Variants in TGFBR2 observed in about 807,000 individuals in gnomAD.
TGFBR2 encodes transforming growth factor beta receptor 2.
In TGFBR2, 18 loss-of-function variants were observed where a neutral mutation model predicts 49.0. That is an observed-to-expected ratio of 0.37 (90% CI 0.25 to 0.54). The LOEUF (loss-of-function observed/expected upper bound fraction) is 0.54. Among genes scored for constraint, TGFBR2 ranks in the 20% least tolerant of loss-of-function variants. TGFBR2 has a pLI of 0.85. For synonymous variants in TGFBR2, 282 were observed against 275.9 expected (o/e 1.02, Z -0.22); for missense variants, 525 against 722.6 (o/e 0.73, Z 3.13).
chr3:30,673,094 A>T (rs11466515), intron 4 of TGFBR2, among the ~76,000 whole-genome samples: 7 of 152,066 alleles, frequency 4.6e-5, no homozygotes, highest in Admixed American at 6.6e-5. Context: ...CATGGAGAGC[A>T]GCACTGTCTT....
intron 1 of TGFBR2, among the ~76,000 whole-genome samples, chr3:30,630,132 A>G (rs1315505828): frequency 1.3e-5 from 2 of 152,222 alleles, no homozygotes; most frequent in Non-Finnish European, 2.9e-5. Context: ...AGATTATGCT[A>G]AGATGGATAA....
chr3:30,662,858 GAACTT>G (rs1237891204), intron 3 of TGFBR2, among the ~76,000 whole-genome samples: 1 of 152,154 alleles, frequency 6.6e-6, no homozygotes, highest in Non-Finnish European at 1.5e-5. Context: ...GAGTACCAAA[GAACTT>G]AACTTTATTT....
intron 1 of TGFBR2, among the ~76,000 whole-genome samples, chr3:30,628,528 G>GGTT (rs1698377360): frequency 2.5e-5 from 2 of 80,192 alleles, no homozygotes. Flanking sequence ...AAGCCTGTGG[G>GGTT]TTTTTTTTTT....
At chr3:30,638,995 T>C (rs1166995437) in intron 1 of TGFBR2, among the ~76,000 whole-genome samples, 1 of 151,962 alleles carries the variant, frequency 6.6e-6, no homozygotes, top group African/African-American at 2.4e-5. Context: ...TCTGGGCCCA[T>C]ATGGTGATCA....
intron 3 of TGFBR2, among the ~76,000 whole-genome samples, chr3:30,656,367 T>A (rs1415891861): frequency 6.6e-6 from 1 of 152,256 alleles, no homozygotes; most frequent in Non-Finnish European, 1.5e-5. Context: ...TGTTAGTTTA[T>A]TGTATTTGTA....
rs377499122 is a variant in TGFBR2 at position 30,691,413 on chromosome 3, G to A, written c.1525-7G>A. 714 of 1,613,728 alleles carry A rather than the reference G, an allele frequency of 4.4e-4. No homozygotes were observed. The highest frequency in any genetic ancestry group is 5.6e-4 in the Non-Finnish European group (655 of 1,179,860). ...ATGGTGCCCTTTGGATCTCTTTCCC[G>A]CTACAGGGCATCCAGATGGTGTGTG... On this transcript the variant is annotated splice_polypyrimidine_tract_variant and splice_region_variant and intron_variant, in intron 6 of 6. Coordinates refer to ENST00000295754, the MANE Select transcript of TGFBR2 (RefSeq NM_003242.6).
chr3:30,650,648 G>T (rs1698865793), intron 3 of TGFBR2, among the ~76,000 whole-genome samples, 188 bp downstream of exon 3: 1 of 152,138 alleles, frequency 6.6e-6, no homozygotes, highest in South Asian at 2.1e-4. Context: ...ATCAAATATG[G>T]TTGACTGGGG....
chr3:30,615,889 G>A (rs903455619), intron 1 of TGFBR2, among the ~76,000 whole-genome samples: 2 of 151,442 alleles, frequency 1.3e-5, no homozygotes, highest in Admixed American at 6.6e-5. Context: ...ACCAAGACCG[G>A]CCAGTTTTTT....
chr3:30,691,619 G>T lies in TGFBR2; in HGVS notation c.*20G>T, dbSNP rs374127951. ...AAATAGCTCTTCTGGGGCAGGCTGG[G>T]CCATGTCCAAAGAGGCTGCCCCTCT... On this transcript the variant is annotated 3_prime_UTR_variant, in exon 7 of 7. Coordinates refer to ENST00000295754, the MANE Select transcript of TGFBR2 (RefSeq NM_003242.6). 15 of 1,613,772 alleles carry T rather than the reference G, an allele frequency of 9.3e-6. No individual in the cohort carries two copies. In the African/African-American group the frequency reaches 1.9e-4, roughly 20 times the overall value.
chr3:30,639,438 A>G (rs1698604528), intron 1 of TGFBR2, among the ~76,000 whole-genome samples: 2 of 152,232 alleles, frequency 1.3e-5, no homozygotes, highest in African/African-American at 2.4e-5. Context: ...GAGAGAAAAA[A>G]TACTGCCTCA....
intron 2 of TGFBR2, 25 bp from the exon 3 acceptor site, chr3:30,650,245 C>T (rs2125409700): frequency 6.2e-7 from 1 of 1,610,622 alleles, no homozygotes; most frequent in Non-Finnish European, 8.5e-7. Flanking sequence ...TCTCCCCTCG[C>T]TTCCAATGAA....
intron 1 of TGFBR2, among the ~76,000 whole-genome samples, chr3:30,635,927 C>A (rs931740814): frequency 6.6e-6 from 1 of 152,138 alleles, no homozygotes; most frequent in African/African-American, 2.4e-5. Flanking sequence ...CCCGTATCAG[C>A]TCTGTCTCCA....
chr3:30,665,792 A>G (rs1019904145), intron 3 of TGFBR2, among the ~76,000 whole-genome samples: 3 of 152,170 alleles, frequency 2.0e-5, no homozygotes, highest in Non-Finnish European at 4.4e-5. Flanking sequence ...GGACTTCTTG[A>G]AGTAGGGAAG....
At chr3:30,608,849 G>C (rs1697984284) in intron 1 of TGFBR2, among the ~76,000 whole-genome samples, 1 of 152,142 alleles carries the variant, frequency 6.6e-6, no homozygotes, top group African/African-American at 2.4e-5. Flanking sequence ...AAACCTAAGT[G>C]ACATTTTGCT....
intron 1 of TGFBR2, among the ~76,000 whole-genome samples, chr3:30,609,122 C>T (rs1559444732): frequency 1.3e-5 from 2 of 152,100 alleles, no homozygotes; most frequent in African/African-American, 2.4e-5. Flanking sequence ...TTTTACAAGG[C>T]CCACAGATTT....
At chr3:30,659,972 A>G (rs1699088727) in intron 3 of TGFBR2, among the ~76,000 whole-genome samples, 1 of 152,038 alleles carries the variant, frequency 6.6e-6, no homozygotes, top group African/African-American at 2.4e-5. Context: ...TGTATTCACC[A>G]CCATTTGGAC....
At chr3:30,644,074 A>G (rs1698687147) in intron 1 of TGFBR2, among the ~76,000 whole-genome samples, 1 of 152,184 alleles carries the variant, frequency 6.6e-6, no homozygotes, top group Non-Finnish European at 1.5e-5. Context: ...TGTGTCTAGG[A>G]GGCACTCAGT....
chr3:30,663,022 C>CTGAT (rs1699165492), intron 3 of TGFBR2, among the ~76,000 whole-genome samples: 2 of 152,184 alleles, frequency 1.3e-5, no homozygotes, highest in Admixed American at 1.3e-4. Flanking sequence ...CCAGGGGATG[C>CTGAT]TGATGACTGC....
intron 1 of TGFBR2, among the ~76,000 whole-genome samples, chr3:30,629,940 G>T (rs537436243): frequency 3.3e-5 from 5 of 152,302 alleles, no homozygotes; most frequent in African/African-American, 1.2e-4. Context: ...GCGCATTCTA[G>T]TTGGAGGGAA....
Sources: allele counts gnomAD v4.1 joint callset (sites outside exome capture counted in the v4.1 genomes callset), GRCh38; gene constraint gnomAD v4.1.1; transcripts MANE v1.5; gene names NCBI Gene and HGNC (gene_info 2026-07-23, HGNC 2026-07-21).